The following DPYD variants were observed in gnomAD, a reference collection of about 807,000 sequenced individuals.
DPYD encodes dihydropyrimidine dehydrogenase [NADP(+)].
In DPYD, 109 loss-of-function variants were observed where a neutral mutation model predicts 116.2. The ratio of observed to expected loss-of-function variants is 0.94; its 90% CI spans 0.80 to 1.10. The LOEUF (loss-of-function observed/expected upper bound fraction) is 1.10. Ranked by LOEUF, DPYD falls within the 50% of genes least tolerant of loss-of-function variation. The pLI, the probability that DPYD is intolerant of heterozygous loss-of-function variation, is 0.00. For synonymous variants in DPYD, 440 were observed against 432.0 expected (o/e 1.02, Z -0.23); for missense variants, 1,302 against 1,254.5 (o/e 1.04, Z -0.57).
intron 19 of DPYD, among the ~76,000 whole-genome samples, chr1:97,195,115 A>G (rs976827421): frequency 6.6e-6 from 1 of 152,138 alleles, no homozygotes; most frequent in Admixed American, 6.5e-5. Flanking sequence ...GCCCAACATT[A>G]CATCAAATTC....
chr1:97,834,386 A>T (rs559788949), intron 2 of DPYD, among the ~76,000 whole-genome samples: 1 of 152,088 alleles, frequency 6.6e-6, no homozygotes, highest in East Asian at 1.9e-4. Flanking sequence ...TTGAAAAAAA[A>T]AAGCCAATTC....
intron 14 of DPYD, among the ~76,000 whole-genome samples, chr1:97,429,590 ACTT>A (rs950232074): frequency 5.9e-4 from 90 of 152,176 alleles, no homozygotes; most frequent in African/African-American, 2.1e-3. Flanking sequence ...TGAGTAAGAT[ACTT>A]CTTATTTTTT....
chr1:97,662,646 A>G (rs1659333066), intron 8 of DPYD, among the ~76,000 whole-genome samples: 2 of 152,048 alleles, frequency 1.3e-5, no homozygotes, highest in South Asian at 4.1e-4. Context: ...ACAAAAACAA[A>G]AACAAAAAAG....
At chr1:97,309,331 T>TG (rs1667350237) in intron 16 of DPYD, among the ~76,000 whole-genome samples, 5 of 147,558 alleles carry the variant, frequency 3.4e-5, no homozygotes, top group Admixed American at 6.8e-5. Context: ...GTTGCTTGTC[T>TG]TGTGTGTGTG....
Position 97,871,079 on chromosome 1 carries a change from C to T in DPYD, c.150+12185G>A, listed in dbSNP as rs548037127. Among the ~76,000 whole-genome samples, 24 of 151,994 alleles carry T rather than the reference C, an allele frequency of 1.6e-4. No homozygotes were observed. In the South Asian group the frequency reaches 4.8e-3, roughly 30 times the overall value. On this transcript the variant is annotated intron_variant, in intron 2 of 22. Transcript: ENST00000370192. Reference sequence around the variant, plus strand: ...TTTTGTTCAGAGCACTGTATTTTCCCATATGCAAAGATGTTTCTTATTTGC... The same window carrying T: ...TTTTGTTCAGAGCACTGTATTTTCCTATATGCAAAGATGTTTCTTATTTGC...
chr1:97,832,545 C>T (rs1007808136), intron 2 of DPYD, among the ~76,000 whole-genome samples: 1 of 151,878 alleles, frequency 6.6e-6, no homozygotes, highest in African/African-American at 2.4e-5. Context: ...ACATTTAGGC[C>T]AAATTAATAC....
rs1031218595 is a variant in DPYD at position 97,724,064 on chromosome 1, G to A, written c.322-2393C>T. 2.6e-5 allele frequency among the ~76,000 whole-genome samples: 4 copies of A among 151,652 alleles called. No individual in the cohort carries two copies. In the South Asian group the frequency reaches 6.2e-4, roughly 24 times the overall value. On this transcript the variant is annotated intron_variant, in intron 4 of 22. Coordinates refer to ENST00000370192, the MANE Select transcript of DPYD (RefSeq NM_000110.4). ...TCACACAATCATATTAAAAGATGCA[G>A]AAAAGGCACTTGACAAATTCAACAT...
chr1:97,746,144 G>A (rs574673400), intron 3 of DPYD, among the ~76,000 whole-genome samples: 3 of 152,208 alleles, frequency 2.0e-5, no homozygotes, highest in African/African-American at 7.2e-5. Flanking sequence ...ATGACTCAGA[G>A]AAGGAAAGTG....
chr1:97,400,900 T>A (rs1345955864), intron 14 of DPYD, among the ~76,000 whole-genome samples: 1 of 151,904 alleles, frequency 6.6e-6, no homozygotes, highest in Non-Finnish European at 1.5e-5. Context: ...TGCTGTCTTC[T>A]AACGTGATCA....
chr1:97,104,156 AG>A (rs1031758504), intron 20 of DPYD, among the ~76,000 whole-genome samples: 3 of 152,122 alleles, frequency 2.0e-5, no homozygotes, highest in Admixed American at 6.6e-5. Context: ...GATCCTAGAC[AG>A]GTAACTTTGA....
intron 20 of DPYD, among the ~76,000 whole-genome samples, chr1:97,130,268 G>GTT (rs1653174443): frequency 2.0e-5 from 3 of 152,190 alleles, no homozygotes; most frequent in Non-Finnish European, 4.4e-5. Context: ...AGAAAAGAAA[G>GTT]TATAAAATGC....
At chr1:97,530,687 T>C (rs1447930493) in intron 12 of DPYD, among the ~76,000 whole-genome samples, 1 of 152,218 alleles carries the variant, frequency 6.6e-6, no homozygotes, top group Non-Finnish European at 1.5e-5. Context: ...TTTTAAATTT[T>C]TTGAGAAACA....
intron 18 of DPYD, among the ~76,000 whole-genome samples, chr1:97,289,003 A>C (rs560407544): frequency 6.6e-6 from 1 of 152,254 alleles, no homozygotes; most frequent in East Asian, 1.9e-4. Flanking sequence ...GATAAAGGGG[A>C]CATCACCACT....
At chr1:97,425,633 G>T (rs762272757) in intron 14 of DPYD, among the ~76,000 whole-genome samples, 1 of 151,976 alleles carries the variant, frequency 6.6e-6, no homozygotes, top group Non-Finnish European at 1.5e-5. Context: ...ATATGGTTGG[G>T]ATCCTACATC....
At chr1:97,490,483 T>TAA (rs1557749012) in intron 13 of DPYD, among the ~76,000 whole-genome samples, 1 of 146,940 alleles carries the variant, frequency 6.8e-6, no homozygotes, top group Non-Finnish European at 1.5e-5. Context: ...TAGTATATTG[T>TAA]GTTATAATTA....
In DPYD at chr1:97,537,549, T is replaced by A. The variant is rs571342285; in HGVS notation, c.1524+12011A>T. On this transcript the variant is annotated intron_variant, in intron 12 of 22. Transcript: ENST00000370192. ...TCAACCCAAAAAAGAATGTAAAAAA[T>A]TTCATTTATTGATATGAATGCACAC... is the stretch of plus-strand genomic sequence containing the variant. Among the ~76,000 whole-genome samples, 54 of 152,070 alleles carry A rather than the reference T, an allele frequency of 3.6e-4. 3 individuals carry two copies. The highest frequency in any genetic ancestry group is 1.3e-3 in the African/African-American group (53 of 41,460).
At chr1:97,138,123 T>C (rs12039249) in intron 20 of DPYD, among the ~76,000 whole-genome samples, 23,625 of 152,052 alleles carry the variant, frequency 0.16, 2,076 homozygotes, top group East Asian at 0.31. Flanking sequence ...ATAAGCACAG[T>C]TGTAATCTGG....
intron 20 of DPYD, among the ~76,000 whole-genome samples, chr1:97,155,734 C>CT (rs35692930): frequency 0.14 from 21,703 of 152,008 alleles, 1,742 homozygotes; most frequent in East Asian, 0.29. Flanking sequence ...TGCTAGTTAT[C>CT]TTTTTTCTGA....
chr1:97,872,669 T>C (rs1571507008), intron 2 of DPYD, among the ~76,000 whole-genome samples: 1 of 151,908 alleles, frequency 6.6e-6, no homozygotes, highest in African/African-American at 2.4e-5. Context: ...ATATCAAAAC[T>C]CTAAATTACA....
Sources: allele counts gnomAD v4.1 joint callset (sites outside exome capture counted in the v4.1 genomes callset), GRCh38; gene constraint gnomAD v4.1.1; transcripts MANE v1.5; gene names NCBI Gene and HGNC (gene_info 2026-07-23, HGNC 2026-07-21).